Variants in PPP1R37 observed in about 807,000 individuals in gnomAD.
PPP1R37 encodes protein phosphatase 1 regulatory subunit 37, also known as leucine rich repeat containing 68.
A neutral mutation model predicts 61.0 loss-of-function variants in PPP1R37; 21 were observed. That is an observed-to-expected ratio of 0.34 (90% CI 0.24 to 0.50). PPP1R37 has a LOEUF of 0.50. Ranked by LOEUF, PPP1R37 falls within the 20% of genes least tolerant of loss-of-function variation. The pLI, the probability that PPP1R37 is intolerant of heterozygous loss-of-function variation, is 0.98. For missense variants in PPP1R37, 910 were observed against 952.7 expected (o/e 0.96, Z 0.59); for synonymous variants, 443 against 433.5 (o/e 1.02, Z -0.27).
chr19:45,126,240 G>T (rs1314442782), intron 1 of PPP1R37, among the ~76,000 whole-genome samples: 1 of 152,234 alleles, frequency 6.6e-6, no homozygotes, highest in African/African-American at 2.4e-5. Flanking sequence ...TGTGGGGTAG[G>T]TGCATGTGGC....
intron 1 of PPP1R37, among the ~76,000 whole-genome samples, chr19:45,101,778 A>G (rs1968066865): frequency 6.6e-6 from 1 of 152,172 alleles, no homozygotes; most frequent in African/African-American, 2.4e-5. Flanking sequence ...AGGTGACATG[A>G]ATAGGGTGAG....
At chr19:45,129,087 C>G (rs1179101726) in intron 1 of PPP1R37, 1 of 617,198 alleles carries the variant, frequency 1.6e-6, no homozygotes, top group African/African-American at 1.9e-5. Flanking sequence ...CTGCAGAGGC[C>G]CCCTCCTCTG....
intron 1 of PPP1R37, among the ~76,000 whole-genome samples, chr19:45,129,295 G>A (rs747695004): frequency 2.0e-4 from 30 of 152,038 alleles, no homozygotes; most frequent in Non-Finnish European, 2.9e-4. Flanking sequence ...GACGGTGGGC[G>A]ATGCTTGTGG....
intron 1 of PPP1R37, among the ~76,000 whole-genome samples, chr19:45,106,131 C>G (rs914887780): frequency 7.9e-5 from 12 of 152,224 alleles, no homozygotes; most frequent in Admixed American, 7.2e-4. Flanking sequence ...TTCCTCATCT[C>G]AGGGGTAGAG....
At chr19:45,101,941 G>A (rs1272502639) in intron 1 of PPP1R37, among the ~76,000 whole-genome samples, 1 of 152,208 alleles carries the variant, frequency 6.6e-6, no homozygotes, top group Non-Finnish European at 1.5e-5. Flanking sequence ...CAGGTTTGCC[G>A]ATGCCACTGT....
intron 1 of PPP1R37, among the ~76,000 whole-genome samples, chr19:45,101,624 G>A (rs1449061444): frequency 6.6e-6 from 1 of 152,210 alleles, no homozygotes; most frequent in Non-Finnish European, 1.5e-5. Flanking sequence ...AGGCTGAGGT[G>A]GAAGGATCAC....
At position 45,147,199 on chromosome 19, in the gene PPP1R37, G is replaced by A; in HGVS notation, c.*637G>A. 6.6e-6 allele frequency: 1 copy of A among 152,664 alleles called. No homozygotes were observed. Among genetic ancestry groups the A allele is most frequent in the Non-Finnish European group, 1.5e-5 (1 of 68,296 alleles). 9.5% of individuals were successfully genotyped at this position (152,664 alleles called of 1,614,324 possible). A position where few individuals can be genotyped will look rare whatever the true frequency, so the allele number is the denominator to read the frequency against. On this transcript the variant is annotated 3_prime_UTR_variant, in exon 13 of 13. Transcript: ENST00000221462. ...TTGGGGGCGAGTGGCATGGGTGTGGGTGAGGGTGGGCAGAGGGCTGGGGCT... is the reference window on the plus strand; with the variant it reads ...TTGGGGGCGAGTGGCATGGGTGTGGATGAGGGTGGGCAGAGGGCTGGGGCT...
At chr19:45,120,987 TTC>T (rs1351996800) in intron 1 of PPP1R37, among the ~76,000 whole-genome samples, 1 of 152,218 alleles carries the variant, frequency 6.6e-6, no homozygotes, top group African/African-American at 2.4e-5. Context: ...GTCAGGTCCT[TTC>T]TCATCTCTAA....
At chr19:45,107,727 G>T (rs531574454) in intron 1 of PPP1R37, among the ~76,000 whole-genome samples, 19 of 152,216 alleles carry the variant, frequency 1.2e-4, no homozygotes, top group African/African-American at 3.9e-4. Flanking sequence ...TGTTTTCAGC[G>T]TGTAATGCCA....
intron 1 of PPP1R37, 128 bp downstream of exon 1, chr19:45,093,655 CAGTTT>C: frequency 1.6e-6 from 1 of 625,854 alleles, no homozygotes; most frequent in Non-Finnish European, 2.6e-6. Context: ...GGACAGTCGT[CAGTTT>C]AGAACCGTAG....
At chr19:45,135,796 TTTG>T (rs1968532278) in intron 1 of PPP1R37, among the ~76,000 whole-genome samples, 1 of 151,552 alleles carries the variant, frequency 6.6e-6, no homozygotes, top group South Asian at 2.1e-4. Flanking sequence ...TTTTTTTTTT[TTTG>T]GAAATGGAGT....
intron 1 of PPP1R37, chr19:45,135,864 C>CA (rs1968533714): frequency 6.7e-6 from 1 of 148,580 alleles, no homozygotes. Flanking sequence ...CTCACTGTAA[C>CA]CTCTGCCTCC....
At chr19:45,097,565 A>G (rs1437217706) in intron 1 of PPP1R37, among the ~76,000 whole-genome samples, 1 of 151,828 alleles carries the variant, frequency 6.6e-6, no homozygotes, top group Non-Finnish European at 1.5e-5. Flanking sequence ...GCAGGGGCCC[A>G]GGGTTTGGGG....
chr19:45,144,800 G>C, intron 8 of PPP1R37, 54 bp from the exon 9 acceptor site: 1 of 1,436,180 alleles, frequency 7.0e-7, no homozygotes, highest in Non-Finnish European at 9.3e-7. Context: ...TTGGCCTCCT[G>C]GGTCTCCTCC....
intron 1 of PPP1R37, among the ~76,000 whole-genome samples, chr19:45,117,119 G>C (rs1453216859): frequency 6.6e-6 from 1 of 152,030 alleles, no homozygotes; most frequent in South Asian, 2.1e-4. Context: ...CACCATATTG[G>C]TCAGGCTGGT....
intron 1 of PPP1R37, among the ~76,000 whole-genome samples, chr19:45,118,015 GGAA>G (rs1476660575): frequency 1.3e-5 from 2 of 152,216 alleles, no homozygotes; most frequent in Non-Finnish European, 2.9e-5. Flanking sequence ...TTGTTCACTG[GGAA>G]GAAGAACTCA....
At position 45,130,804 on chromosome 19, in the gene PPP1R37, A is replaced by C. The variant is rs1243584949; in HGVS notation, c.203-7710A>C. 6.6e-6 allele frequency among the ~76,000 whole-genome samples: 1 copy of C among 152,122 alleles called. No individual in the cohort carries two copies. The highest frequency in any genetic ancestry group is 1.9e-4 in the East Asian group (1 of 5,192). ...ATGTGGTGGACACTGGGGCATGGGA[A>C]GGTCATTTCCAGCCAGAGGTAGCAT... On this transcript the variant is annotated intron_variant, in intron 1 of 12. Transcript: ENST00000221462. The surrounding 1 kb of genome is among the most constrained non-coding windows in gnomAD (Gnocchi z 4.4).
intron 7 of PPP1R37, chr19:45,143,271 T>G: frequency 4.9e-6 from 2 of 411,290 alleles, no homozygotes; most frequent in Admixed American, 3.9e-5. Context: ...TGAGGTGAGG[T>G]GGGCCAGAGG....
At position 45,140,600 on chromosome 19, in the gene PPP1R37, T is replaced by C. The variant is rs1043252300; in HGVS notation, c.441T>C (p.Asp147=). ...TGGACCTGGAGCAGACAAACCTGGA[T>C]GAAGATGTGAGCGGCCCTGCCACCG... ...KVVDLEQTNL[D]EDGASALFDM... is the part of the protein sequence containing the mutation. The change falls in exon 4 of 13, where the codon GAT becomes GAC. Residue 147 remains aspartate (D), a synonymous_variant. Coordinates refer to ENST00000221462, the MANE Select transcript of PPP1R37 (RefSeq NM_019121.2). 1 of 1,535,544 alleles carries C rather than the reference T, an allele frequency of 6.5e-7. No individual in the cohort carries two copies. Among genetic ancestry groups the C allele is most frequent in the Non-Finnish European group, 8.7e-7 (1 of 1,146,568 alleles).
Sources: allele counts gnomAD v4.1 joint callset (sites outside exome capture counted in the v4.1 genomes callset), GRCh38; gene constraint gnomAD v4.1.1; non-coding constraint Gnocchi (gnomAD v3.1); transcripts MANE v1.5; gene names NCBI Gene and HGNC (gene_info 2026-07-23, HGNC 2026-07-21).